NCAM2: variants seen among roughly 807,000 people sequenced by gnomAD.
NCAM2 encodes neural cell adhesion molecule 2, also known as N-CAM-2.
NCAM2 carries 30 observed loss-of-function variants against 98.1 expected under a neutral mutation model. The observed-to-expected ratio is 0.31, with a 90% CI of 0.23 to 0.41. NCAM2 has a LOEUF of 0.41. Among genes scored for constraint, NCAM2 ranks in the 10% least tolerant of loss-of-function variants. The pLI, the probability that NCAM2 is intolerant of heterozygous loss-of-function variation, is 1.00. For missense variants in NCAM2, 867 were observed against 1,005.8 expected, an observed-to-expected ratio of 0.86 and a Z score of 1.87; for synonymous variants, 368 against 342.4, an observed-to-expected ratio of 1.07 and a Z score of -0.83.
At position 21,256,796 on chromosome 21, in the gene NCAM2, C is replaced by G. The variant is rs528206123; in HGVS notation, c.56-23782C>G. 1.9e-3 allele frequency among the ~76,000 whole-genome samples: 285 copies of G among 152,288 alleles called. 1 individual carries two copies. Among genetic ancestry groups the G allele is most frequent in the African/African-American group, 5.9e-3 (245 of 41,552 alleles). Reference sequence around the variant, plus strand: ...GTCGAGTCATTTCTGTGTGTTGGAACCTCCTGTGATCATCATCCAGAGGAA... The same window carrying G: ...GTCGAGTCATTTCTGTGTGTTGGAAGCTCCTGTGATCATCATCCAGAGGAA... On this transcript the variant is annotated intron_variant, in intron 1 of 17. Coordinates refer to ENST00000400546, the MANE Select transcript of NCAM2 (RefSeq NM_004540.5).
chr21:21,062,881 A>G (rs552506776), intron 1 of NCAM2, among the ~76,000 whole-genome samples: 9 of 152,358 alleles, frequency 5.9e-5, no homozygotes, highest in African/African-American at 2.2e-4. Context: ...TCATATGCAG[A>G]TGAAGTAATT....
At chr21:21,279,939 T>C (rs933303606) in intron 1 of NCAM2, among the ~76,000 whole-genome samples, 2 of 152,242 alleles carry the variant, frequency 1.3e-5, no homozygotes, top group African/African-American at 4.8e-5. Context: ...AATAACACTT[T>C]GCTTATCTTC....
intron 1 of NCAM2, among the ~76,000 whole-genome samples, chr21:21,134,019 G>A (rs2066989371): frequency 6.6e-6 from 1 of 150,560 alleles, no homozygotes; most frequent in South Asian, 2.1e-4. Flanking sequence ...CCCTAGCCCT[G>A]GTCTCTGTGG....
chr21:21,260,223 T>C (rs1225382256), intron 1 of NCAM2, among the ~76,000 whole-genome samples: 2 of 151,878 alleles, frequency 1.3e-5, no homozygotes, highest in Non-Finnish European at 1.5e-5. Context: ...ACCCACGACT[T>C]ATTGGCATTC....
intron 1 of NCAM2, among the ~76,000 whole-genome samples, chr21:21,092,697 T>A (rs2066037893): frequency 6.6e-6 from 1 of 151,964 alleles, no homozygotes; most frequent in Non-Finnish European, 1.5e-5. Flanking sequence ...GGACAAGAAC[T>A]TGAGTGTCTT....
chr21:21,352,498 T>A (rs572947829), intron 8 of NCAM2, among the ~76,000 whole-genome samples: 129 of 152,142 alleles, frequency 8.5e-4, no homozygotes, highest in African/African-American at 2.9e-3. Flanking sequence ...ATCACAGATA[T>A]TGATGAATTA....
In NCAM2 at chr21:21,037,649, C is replaced by T. The variant is rs565128668; in HGVS notation, c.55+39031C>T. On this transcript the variant is annotated intron_variant, in intron 1 of 17. Transcript: ENST00000400546. ...CTAATTTTCAGCCTAATTGTTAAGG[C>T]ATCAGGATTACCATAAACCAAAGCA... Among the ~76,000 whole-genome samples, 3 of 152,212 alleles carry T rather than the reference C, an allele frequency of 2.0e-5. No homozygotes were observed. The South Asian group carries it at 6.2e-4, about 32-fold the overall frequency.
At chr21:21,028,881 T>C (rs975483325) in intron 1 of NCAM2, among the ~76,000 whole-genome samples, 5 of 152,344 alleles carry the variant, frequency 3.3e-5, no homozygotes, top group South Asian at 2.1e-4. Flanking sequence ...ATAATAAACA[T>C]TTAAAAATTA....
At chr21:21,305,228 G>C (rs569698955) in intron 5 of NCAM2, among the ~76,000 whole-genome samples, 1 of 152,158 alleles carries the variant, frequency 6.6e-6, no homozygotes, top group Admixed American at 6.5e-5. Flanking sequence ...TGAGGCATGA[G>C]AATTGCTTGA....
intron 6 of NCAM2, 69 bp from the exon 7 acceptor site, chr21:21,335,436 A>T: frequency 7.4e-7 from 1 of 1,352,812 alleles, no homozygotes; most frequent in Non-Finnish European, 9.9e-7. Flanking sequence ...TATAGATTAA[A>T]AAGTTGATTA....
chr21:21,380,855 C>T (rs1173931216), intron 9 of NCAM2, among the ~76,000 whole-genome samples: 1 of 152,078 alleles, frequency 6.6e-6, no homozygotes, highest in African/African-American at 2.4e-5. Flanking sequence ...CGTTATTCTC[C>T]CTCCCGTTTG....
intron 1 of NCAM2, among the ~76,000 whole-genome samples, chr21:21,148,713 G>T (rs571533100): frequency 6.6e-6 from 1 of 152,200 alleles, no homozygotes; most frequent in East Asian, 1.9e-4. Context: ...TAATAGTTCT[G>T]AGAATTTCCC....
chr21:21,516,229 C>A (rs1988705180), intron 16 of NCAM2, among the ~76,000 whole-genome samples: 1 of 152,078 alleles, frequency 6.6e-6, no homozygotes, highest in Non-Finnish European at 1.5e-5. Flanking sequence ...AGAGTAAGGT[C>A]TACAGTCTCT....
chr21:21,006,642 G>T (rs2064118628), intron 1 of NCAM2, among the ~76,000 whole-genome samples: 1 of 152,130 alleles, frequency 6.6e-6, no homozygotes, highest in Admixed American at 6.6e-5. Context: ...AGAAAAATAT[G>T]AAAAAATCAA....
chr21:21,334,717 C>A (rs1416767652), intron 6 of NCAM2, among the ~76,000 whole-genome samples: 1 of 151,812 alleles, frequency 6.6e-6, no homozygotes, highest in Admixed American at 6.6e-5. Context: ...CGAGGGAAAT[C>A]ATAGAAATAG....
At chr21:21,425,040 C>CAAAAAAAAAA (rs1192128472) in intron 11 of NCAM2, among the ~76,000 whole-genome samples, 1,146 of 43,788 alleles carry the variant, frequency 0.026, 121 homozygotes, top group Non-Finnish European at 0.033. Context: ...CTTCCTCCTC[C>CAAAAAAAAAA]AAAAAAAAAA....
At chr21:21,217,142 G>C (rs1004786914) in intron 1 of NCAM2, among the ~76,000 whole-genome samples, 1 of 152,110 alleles carries the variant, frequency 6.6e-6, no homozygotes, top group African/African-American at 2.4e-5. Context: ...TGCTGTCATG[G>C]TATGTGAGAC....
chr21:21,157,350 G>A (rs879844441), intron 1 of NCAM2, among the ~76,000 whole-genome samples: 2 of 152,030 alleles, frequency 1.3e-5, no homozygotes, highest in Non-Finnish European at 2.9e-5. Flanking sequence ...TGCACATGGC[G>A]TTATAGTCTT....
intron 9 of NCAM2, among the ~76,000 whole-genome samples, chr21:21,394,509 G>A (rs13046541): frequency 8.0e-5 from 4 of 50,082 alleles, no homozygotes; most frequent in Non-Finnish European, 1.1e-4. Flanking sequence ...TTTTTTTTGA[G>A]ACAGAGTTGC....
Sources: allele counts gnomAD v4.1 joint callset (sites outside exome capture counted in the v4.1 genomes callset), GRCh38; gene constraint gnomAD v4.1.1; transcripts MANE v1.5; gene names NCBI Gene and HGNC (gene_info 2026-07-23, HGNC 2026-07-21).